The following PRKCA variants were observed in gnomAD, a reference collection of about 807,000 sequenced individuals.
PRKCA encodes protein kinase C alpha type.
In PRKCA, 27 loss-of-function variants were observed where a neutral mutation model predicts 87.0. The ratio of observed to expected loss-of-function variants is 0.31; its 90% CI spans 0.23 to 0.43. The LOEUF (loss-of-function observed/expected upper bound fraction) is 0.43, where lower values mean the gene tolerates loss of function less well. Ranked by LOEUF, PRKCA falls within the 20% of genes least tolerant of loss-of-function variation. The pLI is 1.00. For synonymous variants in PRKCA, 329 were observed against 311.1 expected (o/e 1.06, Z -0.61); for missense variants, 518 against 852.3 (o/e 0.61, Z 4.88).
intron 5 of PRKCA, among the ~76,000 whole-genome samples, chr17:66,675,219 C>A (rs1034715923): frequency 1.3e-5 from 2 of 152,228 alleles, no homozygotes; most frequent in Non-Finnish European, 2.9e-5. Flanking sequence ...TTGCCGACAG[C>A]CCCACATCCT....
intron 2 of PRKCA, among the ~76,000 whole-genome samples, chr17:66,492,459 A>G (rs1916287975): frequency 6.6e-6 from 1 of 152,234 alleles, no homozygotes; most frequent in South Asian, 2.1e-4. Context: ...ATGGGATTTG[A>G]TAAGTGTGAG....
chr17:66,742,836 C>A, intron 13 of PRKCA, 76 bp downstream of exon 13: 1 of 1,511,772 alleles, frequency 6.6e-7, no homozygotes, highest in Admixed American at 1.9e-5. Context: ...GTTATAGGGT[C>A]ACTGGCGAAT....
At chr17:66,554,253 A>C (rs989254268) in intron 3 of PRKCA, among the ~76,000 whole-genome samples, 2 of 149,152 alleles carry the variant, frequency 1.3e-5, no homozygotes, top group African/African-American at 2.5e-5. Flanking sequence ...AAAAAAAAAA[A>C]CGAGAGAAAA....
At chr17:66,648,485 A>G (rs935240654) in intron 5 of PRKCA, among the ~76,000 whole-genome samples, 1 of 152,208 alleles carries the variant, frequency 6.6e-6, no homozygotes, top group Non-Finnish European at 1.5e-5. Context: ...AGTCACACAG[A>G]TGGTAAATTG....
At chr17:66,567,560 G>A (rs1968939681) in intron 3 of PRKCA, among the ~76,000 whole-genome samples, 1 of 152,212 alleles carries the variant, frequency 6.6e-6, no homozygotes, top group African/African-American at 2.4e-5. Flanking sequence ...AATGGACCCA[G>A]CAGTTTTTAG....
At chr17:66,562,103 A>AAATATATATAATT (rs1385321763) in intron 3 of PRKCA, among the ~76,000 whole-genome samples, 12 of 112,964 alleles carry the variant, frequency 1.1e-4, no homozygotes, top group Non-Finnish European at 2.0e-4. Context: ...ATATATAATT[A>AAATATATATAATT]AATTATATAT....
intron 15 of PRKCA, among the ~76,000 whole-genome samples, chr17:66,787,457 G>T (rs573502392): frequency 1.3e-5 from 2 of 152,302 alleles, no homozygotes; most frequent in African/African-American, 4.8e-5. Context: ...TAAAATTGTG[G>T]TGGGGACTAC....
chr17:66,804,075 G>C lies in PRKCA; in HGVS notation c.*38G>C. 4 of 1,581,684 alleles carry C rather than the reference G, an allele frequency of 2.5e-6. No individual in the cohort carries two copies. Among genetic ancestry groups the C allele is most frequent in the Non-Finnish European group, 3.5e-6 (4 of 1,157,114 alleles). ...AGAACAAACACCTCCCCAGCCCCCA[G>C]CCCTCCCCGCAGTGGGAAGTGAATC... On this transcript the variant is annotated 3_prime_UTR_variant, in exon 17 of 17. Transcript: ENST00000413366.
At chr17:66,507,691 G>A (rs541580155) in intron 3 of PRKCA, among the ~76,000 whole-genome samples, 1 of 152,218 alleles carries the variant, frequency 6.6e-6, no homozygotes, top group African/African-American at 2.4e-5. Context: ...CAGGACATTG[G>A]GTTTCTGGAA....
intron 8 of PRKCA, among the ~76,000 whole-genome samples, chr17:66,709,458 G>A (rs1049861919): frequency 4.6e-5 from 7 of 151,670 alleles, no homozygotes; most frequent in African/African-American, 1.7e-4. Context: ...CTACAGGCTT[G>A]AGCCACCACA....
intron 10 of PRKCA, among the ~76,000 whole-genome samples, chr17:66,737,197 A>T (rs1325616048): frequency 2.6e-5 from 1 of 38,276 alleles, no homozygotes; most frequent in African/African-American, 2.3e-4. Flanking sequence ...CTAAATATAC[A>T]AAAAAAAAAA....
chr17:66,504,047 C>T lies in PRKCA; in HGVS notation c.288+7764C>T, dbSNP rs536333927. ...CTGGAGTGGGAATTGGGAGTCCTGC[C>T]AGGCCACATTACTGAAGCCCTTTCT... On this transcript the variant is annotated intron_variant, in intron 3 of 16. Transcript: ENST00000413366. 2.0e-5 allele frequency among the ~76,000 whole-genome samples: 3 copies of T among 152,204 alleles called. No homozygotes were observed. The East Asian group carries it at 5.8e-4, about 29-fold the overall frequency.
At chr17:66,786,670 A>G (rs1328608023) in intron 14 of PRKCA, among the ~76,000 whole-genome samples, 197 bp from the exon 15 acceptor site, 4 of 152,228 alleles carry the variant, frequency 2.6e-5, no homozygotes. Flanking sequence ...ACAGAGGGGA[A>G]AAAATGAAAA....
intron 13 of PRKCA, among the ~76,000 whole-genome samples, chr17:66,755,502 G>A (rs896827796): frequency 5.3e-5 from 8 of 152,158 alleles, no homozygotes; most frequent in Non-Finnish European, 7.3e-5. Context: ...ATTTGCGGGC[G>A]AGACACCACT....
intron 2 of PRKCA, among the ~76,000 whole-genome samples, chr17:66,460,508 G>A (rs55871928): frequency 0.064 from 9,707 of 152,164 alleles, 1,030 homozygotes; most frequent in African/African-American, 0.22. Context: ...TGTTTTGTGC[G>A]TTTTTATTTT....
Position 66,681,080 on chromosome 17 carries a change from T to G in PRKCA, c.530-6031T>G, listed in dbSNP as rs935118497. On this transcript the variant is annotated intron_variant, in intron 5 of 16. Transcript: ENST00000413366. ...CCCGTCTCTACTAAAAATACTAAAA[T>G]TAGCCAGGTGTGATGGTGGGTGCTT... Among the ~76,000 whole-genome samples, 103 of 151,972 alleles carry G rather than the reference T, an allele frequency of 6.8e-4. 2 individuals carry two copies. The highest frequency in any genetic ancestry group is 2.2e-4 in the Non-Finnish European group (15 of 67,990).
chr17:66,397,597 G>A (rs1455614166), intron 2 of PRKCA, among the ~76,000 whole-genome samples: 2 of 152,088 alleles, frequency 1.3e-5, no homozygotes, highest in African/African-American at 4.8e-5. Context: ...CTGGGTCACA[G>A]GTGGTTTGTC....
chr17:66,327,616 TC>T, intron 2 of PRKCA, among the ~76,000 whole-genome samples: 1 of 152,328 alleles, frequency 6.6e-6, no homozygotes, highest in South Asian at 2.1e-4. Context: ...TCTGTAAACT[TC>T]ATGTCCTGTG....
chr17:66,785,196 G>A (rs1210212677), intron 14 of PRKCA, among the ~76,000 whole-genome samples: 1 of 152,124 alleles, frequency 6.6e-6, no homozygotes, highest in African/African-American at 2.4e-5. Context: ...ACTGGGCAGG[G>A]GACTGAGGTC....
Sources: gnomAD v4.1 joint callset for allele counts (sites outside exome capture counted in the v4.1 genomes callset) on GRCh38, gnomAD v4.1.1 for gene constraint, MANE v1.5 for transcripts, NCBI Gene and HGNC (gene_info 2026-07-23, HGNC 2026-07-21) for gene names.